CDH18: variants seen among roughly 807,000 people sequenced by gnomAD.
CDH18 encodes the protein cadherin-18.
Under a neutral mutation model 67.9 loss-of-function variants are expected in CDH18, and 31 were observed. That is an observed-to-expected ratio of 0.46 (90% CI 0.34 to 0.62). CDH18 has a LOEUF of 0.62. Among genes scored for constraint, CDH18 ranks in the 20% least tolerant of loss-of-function variants. CDH18 has a pLI of 0.01. For missense variants in CDH18, 890 were observed against 975.5 expected (o/e 0.91, Z 1.17); for synonymous variants, 362 against 347.2 (o/e 1.04, Z -0.48).
chr5:20,159,891 G>A (rs930569888), intron 2 of CDH18, among the ~76,000 whole-genome samples: 3 of 152,076 alleles, frequency 2.0e-5, no homozygotes, highest in Non-Finnish European at 2.9e-5. Context: ...GATACATAAA[G>A]CAGCTACATT....
chr5:19,795,829 TA>T (rs1365278597), intron 3 of CDH18, among the ~76,000 whole-genome samples: 1 of 152,146 alleles, frequency 6.6e-6, no homozygotes, highest in East Asian at 1.9e-4. Context: ...AATGCTTCAT[TA>T]ATACATTAAG....
intron 2 of CDH18, among the ~76,000 whole-genome samples, chr5:20,178,532 G>A (rs1737420791): frequency 6.7e-6 from 1 of 149,726 alleles, no homozygotes; most frequent in African/African-American, 2.4e-5. Flanking sequence ...ACCCAGAGCA[G>A]GTGTGAGAGT....
At chr5:20,289,732 T>G (rs1293542151) in intron 1 of CDH18, among the ~76,000 whole-genome samples, 1 of 151,970 alleles carries the variant, frequency 6.6e-6, no homozygotes, top group African/African-American at 2.4e-5. Context: ...ACATTTAAAT[T>G]TGTTGTAGCA....
intron 2 of CDH18, among the ~76,000 whole-genome samples, chr5:20,155,507 C>A (rs960179486): frequency 6.6e-6 from 1 of 151,966 alleles, no homozygotes; most frequent in Admixed American, 6.6e-5. Flanking sequence ...CAAATATTTT[C>A]TCCTGTTCTG....
At chr5:19,815,316 A>G (rs1276168931) in intron 3 of CDH18, among the ~76,000 whole-genome samples, 1 of 152,004 alleles carries the variant, frequency 6.6e-6, no homozygotes, top group Non-Finnish European at 1.5e-5. Context: ...GTTTTGATAT[A>G]AAAGCTTTCC....
intron 5 of CDH18, among the ~76,000 whole-genome samples, chr5:19,661,985 C>A (rs1757244424): frequency 6.6e-6 from 1 of 151,956 alleles, no homozygotes; most frequent in Admixed American, 6.6e-5. Flanking sequence ...CAAAATAATT[C>A]ATAACGAGCA....
At chr5:20,364,336 A>C (rs1443429608) in intron 1 of CDH18, among the ~76,000 whole-genome samples, 1 of 117,558 alleles carries the variant, frequency 8.5e-6, no homozygotes, top group Non-Finnish European at 2.1e-5. Flanking sequence ...TAAACAATCT[A>C]ATTAGACTGT....
intron 3 of CDH18, among the ~76,000 whole-genome samples, chr5:19,831,104 T>C (rs1471643082): frequency 1.3e-5 from 2 of 152,118 alleles, no homozygotes; most frequent in Non-Finnish European, 2.9e-5. Flanking sequence ...ATTACCTGGG[T>C]AATGAAATAA....
intron 2 of CDH18, among the ~76,000 whole-genome samples, chr5:20,206,835 G>T (rs184132108): frequency 3.4e-4 from 52 of 152,084 alleles, no homozygotes; most frequent in African/African-American, 1.2e-3. Context: ...ACTTGGTGTA[G>T]AAGGAGTATA....
intron 1 of CDH18, among the ~76,000 whole-genome samples, chr5:20,341,837 G>A (rs1051499801): frequency 6.6e-6 from 1 of 151,996 alleles, no homozygotes; most frequent in African/African-American, 2.4e-5. Flanking sequence ...AAATGCATAT[G>A]ACACTCCTGA....
intron 10 of CDH18, among the ~76,000 whole-genome samples, chr5:19,514,720 A>G (rs1267996710): frequency 6.6e-6 from 1 of 151,866 alleles, no homozygotes; most frequent in African/African-American, 2.4e-5. Flanking sequence ...ACATTTGTTT[A>G]AGTTATTTGT....
At chr5:19,694,208 T>G (rs1293279386) in intron 5 of CDH18, among the ~76,000 whole-genome samples, 2 of 152,192 alleles carry the variant, frequency 1.3e-5, no homozygotes, top group Non-Finnish European at 2.9e-5. Flanking sequence ...AAGGCAAATC[T>G]AATTTTTTAG....
chr5:20,080,901 T>C (rs1000748401), intron 2 of CDH18, among the ~76,000 whole-genome samples: 1 of 152,154 alleles, frequency 6.6e-6, no homozygotes, highest in Non-Finnish European at 1.5e-5. Context: ...CTCTTTCTAC[T>C]CTTTCCTAAG....
chr5:20,338,840 G>T (rs990174417), intron 1 of CDH18, among the ~76,000 whole-genome samples: 1 of 152,098 alleles, frequency 6.6e-6, no homozygotes, highest in South Asian at 2.1e-4. Flanking sequence ...AGGGCCCCAA[G>T]GTGGAAGTCT....
chr5:20,499,262 C>A (rs558056834), intron 1 of CDH18, among the ~76,000 whole-genome samples: 1 of 152,132 alleles, frequency 6.6e-6, no homozygotes, highest in East Asian at 1.9e-4. Flanking sequence ...GCACATCTTC[C>A]TATATATTTT....
chr5:19,994,772 GAGAGAGAGAGAGA>G (rs1735820971), intron 2 of CDH18, among the ~76,000 whole-genome samples: 1 of 98,544 alleles, frequency 1.0e-5, no homozygotes, highest in East Asian at 3.1e-4. Context: ...GAGAGAGAGA[GAGAGAGAGAGAGA>G]GAGAGAGATG....
At chr5:19,686,382 G>A (rs956211510) in intron 5 of CDH18, among the ~76,000 whole-genome samples, 1 of 152,128 alleles carries the variant, frequency 6.6e-6, no homozygotes, top group East Asian at 1.9e-4. Flanking sequence ...TTATGTGATA[G>A]TAGGTTTTGG....
intron 9 of CDH18, among the ~76,000 whole-genome samples, chr5:19,540,803 A>G (rs1024564595): frequency 1.3e-5 from 2 of 151,606 alleles, no homozygotes; most frequent in Non-Finnish European, 2.9e-5. Context: ...CCACACAACA[A>G]TTTTTCCCTC....
intron 3 of CDH18, among the ~76,000 whole-genome samples, chr5:19,777,454 G>T (rs1178309848): frequency 6.6e-6 from 1 of 152,158 alleles, no homozygotes; most frequent in African/African-American, 2.4e-5. Context: ...CAGATGGATT[G>T]TTATGCCAGT....
Sources: allele counts gnomAD v4.1 joint callset (sites outside exome capture counted in the v4.1 genomes callset), GRCh38; gene constraint gnomAD v4.1.1; transcripts MANE v1.5; gene names NCBI Gene and HGNC (gene_info 2026-07-23, HGNC 2026-07-21).